The following CACNA1E variants were observed in gnomAD, a reference collection of about 807,000 sequenced individuals.
CACNA1E encodes the protein calcium voltage-gated channel subunit alpha1 E, also known as voltage-dependent R-type calcium channel subunit alpha-1E.
CACNA1E carries 40 observed loss-of-function variants against 259.2 expected under a neutral mutation model. The ratio of observed to expected loss-of-function variants is 0.15; its 90% CI spans 0.12 to 0.20. CACNA1E has a LOEUF of 0.20. CACNA1E is among the 10% of genes least tolerant of loss of function. The probability of loss-of-function intolerance (pLI) is 1.00; values close to 1 mark genes in which losing one functional copy is unlikely to be tolerated. For missense variants in CACNA1E, 1,874 were observed against 3,040.1 expected (o/e 0.62, Z 9.02); for synonymous variants, 1,104 against 1,138.5 (o/e 0.97, Z 0.61).
intron 35 of CACNA1E, among the ~76,000 whole-genome samples, chr1:181,770,760 A>G (rs761856316): frequency 5.9e-5 from 9 of 152,332 alleles, no homozygotes; most frequent in Non-Finnish European, 1.0e-4. Flanking sequence ...CTCAATGGAT[A>G]GAAACATATC....
chr1:181,503,408 G>A (rs982917570), intron 1 of CACNA1E, among the ~76,000 whole-genome samples: 28 of 152,340 alleles, frequency 1.8e-4, no homozygotes, highest in Admixed American at 1.7e-3. Flanking sequence ...AGAGCCATCA[G>A]CTTCATAAAT....
intron 28 of CACNA1E, 57 bp downstream of exon 28, chr1:181,755,454 A>C: frequency 1.5e-6 from 2 of 1,360,236 alleles, no homozygotes; most frequent in African/African-American, 1.4e-5. Context: ...TGATGATCCC[A>C]CTCCACCACC....
intron 2 of CACNA1E, among the ~76,000 whole-genome samples, chr1:181,459,162 A>G (rs6689920): frequency 0.66 from 100,384 of 152,226 alleles, 35,062 homozygotes; most frequent in African/African-American, 0.91. Flanking sequence ...GGAAGCAACC[A>G]CTATGGGAGG....
chr1:181,693,910 G>A (rs1262109617), intron 7 of CACNA1E, among the ~76,000 whole-genome samples: 1 of 152,064 alleles, frequency 6.6e-6, no homozygotes, highest in African/African-American at 2.4e-5. Context: ...AAAACTGTAG[G>A]CCACATTGTT....
chr1:181,361,670 G>C (rs1653895276), intron 1 of CACNA1E, among the ~76,000 whole-genome samples: 1 of 152,164 alleles, frequency 6.6e-6, no homozygotes, highest in Admixed American at 6.5e-5. Flanking sequence ...TCCTACAGGT[G>C]TCTGCCTTGG....
intron 1 of CACNA1E, among the ~76,000 whole-genome samples, chr1:181,377,148 T>G (rs1371298815): frequency 6.6e-6 from 1 of 152,220 alleles, no homozygotes; most frequent in Non-Finnish European, 1.5e-5. Flanking sequence ...ATGAAAATCA[T>G]GGACAGTTGT....
At chr1:181,560,835 C>T (rs1572212917) in intron 3 of CACNA1E, among the ~76,000 whole-genome samples, 1 of 152,180 alleles carries the variant, frequency 6.6e-6, no homozygotes, top group Admixed American at 6.5e-5. Context: ...CAGAAGCAAC[C>T]CAAGTGTTCA....
intron 1 of CACNA1E, among the ~76,000 whole-genome samples, chr1:181,369,982 G>A (rs1333828790): frequency 6.0e-5 from 9 of 151,104 alleles, no homozygotes; most frequent in Middle Eastern, 3.5e-3. Flanking sequence ...AGGCCCTGGT[G>A]TCTGCTCTTC....
Position 181,749,545 on chromosome 1 carries a change from G to A in CACNA1E, c.3720-931G>A, listed in dbSNP as rs533929054. Among the ~76,000 whole-genome samples the A allele has an allele frequency of 2.2e-4, 34 of 152,340 alleles. 1 individual carries two copies. Among genetic ancestry groups the A allele is most frequent in the African/African-American group, 7.9e-4 (33 of 41,576 alleles). ...GGTTCATGTCCCAGCTCTGCCAGCT[G>A]ATGTCGGGCACTCAACCTCTCTGAA... is the stretch of plus-strand genomic sequence containing the variant. On this transcript the variant is annotated intron_variant, in intron 25 of 47. Transcript: ENST00000367573.
At chr1:181,434,346 A>T (rs1315800120) in intron 2 of CACNA1E, among the ~76,000 whole-genome samples, 1 of 152,134 alleles carries the variant, frequency 6.6e-6, no homozygotes, top group East Asian at 1.9e-4. Context: ...ATTATAAATT[A>T]ATCAGTTTAT....
At chr1:181,396,507 C>G (rs1656690691) in intron 1 of CACNA1E, among the ~76,000 whole-genome samples, 1 of 152,150 alleles carries the variant, frequency 6.6e-6, no homozygotes, top group Admixed American at 6.5e-5. Flanking sequence ...AGAACTGAGA[C>G]AGTGAATAGA....
At chr1:181,577,357 G>A (rs1651078456) in intron 3 of CACNA1E, among the ~76,000 whole-genome samples, 1 of 152,306 alleles carries the variant, frequency 6.6e-6, no homozygotes, top group South Asian at 2.1e-4. Context: ...GAAATTTCCT[G>A]AAGGAGATAG....
At chr1:181,734,095 C>T (rs1655797116) in intron 21 of CACNA1E, among the ~76,000 whole-genome samples, 1 of 152,068 alleles carries the variant, frequency 6.6e-6, no homozygotes, top group South Asian at 2.1e-4. Context: ...GCTCTGCTGC[C>T]CTGGCAAGTT....
chr1:181,696,215 A>G (rs1214696367), intron 7 of CACNA1E, among the ~76,000 whole-genome samples: 4 of 149,122 alleles, frequency 2.7e-5, no homozygotes, highest in African/African-American at 9.8e-5. Context: ...CGTAACATAT[A>G]TCTTTTTTTT....
Position 181,733,661 on chromosome 1 carries a change from C to A in CACNA1E, c.3173C>A (p.Ala1058Asp). ...GAGCCTGACCTCTCCTGCATCACGGCCAACACGGACAAGGCCACCACCGAG... is the reference window on the plus strand; with the variant it reads ...GAGCCTGACCTCTCCTGCATCACGGACAACACGGACAAGGCCACCACCGAG... Reference protein sequence around the residue: ...QSEPDLSCITANTDKATTEST... With the variant: ...QSEPDLSCITDNTDKATTEST... The change falls in exon 21 of 48, where the codon GCC (alanine) becomes GAC (aspartate). Residue 1058 changes from alanine (A) to aspartate (D), a missense_variant. Ala to Asp is a moderately radical substitution (Grantham distance 126, BLOSUM62 -2). This residue lies in a region of CACNA1E where 476 missense variants were observed against 514.0 expected (regional missense o/e 0.93). Transcript: ENST00000367573. The A allele has an allele frequency of 6.4e-7, 1 of 1,558,704 alleles. No individual in the cohort carries two copies. The highest frequency in any genetic ancestry group is 8.7e-7 in the Non-Finnish European group (1 of 1,152,230).
At chr1:181,676,219 GC>G (rs1649360571) in intron 7 of CACNA1E, among the ~76,000 whole-genome samples, 1 of 152,142 alleles carries the variant, frequency 6.6e-6, no homozygotes, top group African/African-American at 2.4e-5. Flanking sequence ...TGATGTTTTT[GC>G]CCACCATACT....
intron 18 of CACNA1E, among the ~76,000 whole-genome samples, chr1:181,730,390 C>T (rs1053001382): frequency 1.3e-4 from 20 of 152,210 alleles, no homozygotes; most frequent in African/African-American, 4.6e-4. Flanking sequence ...GCTTATTTAC[C>T]AGGCATCCTG....
intron 3 of CACNA1E, among the ~76,000 whole-genome samples, chr1:181,575,381 T>G (rs1650868327): frequency 6.6e-6 from 1 of 152,244 alleles, no homozygotes; most frequent in African/African-American, 2.4e-5. Context: ...CTTCCCTTTT[T>G]CAAGTTAGCT....
At chr1:181,511,203 A>C (rs1345208889) in intron 2 of CACNA1E, among the ~76,000 whole-genome samples, 168 bp from the exon 3 acceptor site, 2 of 151,692 alleles carry the variant, frequency 1.3e-5, no homozygotes, top group African/African-American at 2.4e-5. Context: ...TGCCCTGTGC[A>C]CTCCTGAGTC....
Sources: allele counts gnomAD v4.1 joint callset (sites outside exome capture counted in the v4.1 genomes callset), GRCh38; gene constraint gnomAD v4.1.1; regional missense constraint gnomAD v4.1.1; transcripts MANE v1.5; gene names NCBI Gene and HGNC (gene_info 2026-07-23, HGNC 2026-07-21).